Variants in MAML2 observed in about 807,000 individuals in gnomAD.
MAML2 encodes mastermind like transcriptional coactivator 2.
In MAML2, 22 loss-of-function variants were observed where a neutral mutation model predicts 96.1. That is an observed-to-expected ratio of 0.23 (90% CI 0.16 to 0.33). MAML2 has a LOEUF of 0.33. Among genes scored for constraint, MAML2 ranks in the 10% least tolerant of loss-of-function variants. The pLI is 1.00. For synonymous variants in MAML2, 561 were observed against 521.3 expected, an observed-to-expected ratio of 1.08 and a Z score of -1.04; for missense variants, 1,367 against 1,392.4, an observed-to-expected ratio of 0.98 and a Z score of 0.29.
intron 1 of MAML2, among the ~76,000 whole-genome samples, chr11:96,242,643 C>T (rs1329388167): frequency 2.0e-5 from 3 of 151,276 alleles, no homozygotes; most frequent in African/African-American, 7.4e-5. Flanking sequence ...CACCTGCTCA[C>T]GAAACAGCTT....
At chr11:96,151,282 C>T (rs569621332) in intron 1 of MAML2, among the ~76,000 whole-genome samples, 6 of 152,278 alleles carry the variant, frequency 3.9e-5, no homozygotes, top group South Asian at 2.1e-4. Context: ...TAAAATGCAG[C>T]GTCTTTCTTG....
At chr11:96,170,182 T>C (rs1732893016) in intron 1 of MAML2, among the ~76,000 whole-genome samples, 2 of 152,208 alleles carry the variant, frequency 1.3e-5, no homozygotes, top group South Asian at 2.1e-4. Flanking sequence ...ACATTCTACA[T>C]TCCAATGTCC....
chr11:96,006,352 AT>A (rs891171076), intron 2 of MAML2, among the ~76,000 whole-genome samples: 3 of 152,178 alleles, frequency 2.0e-5, no homozygotes, highest in African/African-American at 7.2e-5. Flanking sequence ...TTTTAGAAAA[AT>A]GATAACCTTA....
intron 1 of MAML2, among the ~76,000 whole-genome samples, chr11:96,285,168 TA>T (rs1863122035): frequency 1.3e-5 from 2 of 152,192 alleles, no homozygotes; most frequent in African/African-American, 4.8e-5. Flanking sequence ...TCTTAACAGA[TA>T]TATGAAACCA....
intron 1 of MAML2, among the ~76,000 whole-genome samples, chr11:96,162,980 T>G (rs1339219029): frequency 1.3e-5 from 2 of 152,232 alleles, no homozygotes; most frequent in South Asian, 2.1e-4. Flanking sequence ...CCTTCTGTGC[T>G]CCAGCATTTC....
At chr11:96,128,994 T>TC in intron 1 of MAML2, among the ~76,000 whole-genome samples, 1 of 152,320 alleles carries the variant, frequency 6.6e-6, no homozygotes, top group Admixed American at 6.5e-5. Context: ...AATCCATTGT[T>TC]AGGCATTTTG....
intron 1 of MAML2, among the ~76,000 whole-genome samples, chr11:96,256,994 G>C (rs529148060): frequency 6.6e-6 from 1 of 152,298 alleles, no homozygotes; most frequent in East Asian, 1.9e-4. Context: ...ACCGCCAGTG[G>C]CAAGACAGGA....
At chr11:96,209,053 T>C (rs1454650867) in intron 1 of MAML2, among the ~76,000 whole-genome samples, 1 of 152,130 alleles carries the variant, frequency 6.6e-6, no homozygotes, top group Non-Finnish European at 1.5e-5. Context: ...CCTTCCAGAA[T>C]GATCAAATCA....
At chr11:96,163,720 G>T (rs909702566) in intron 1 of MAML2, among the ~76,000 whole-genome samples, 3 of 152,164 alleles carry the variant, frequency 2.0e-5, no homozygotes, top group African/African-American at 7.2e-5. Flanking sequence ...TTCTGGAAGG[G>T]TCCTGAATAC....
intron 1 of MAML2, among the ~76,000 whole-genome samples, chr11:96,212,715 G>A (rs1861989471): frequency 6.6e-6 from 1 of 152,082 alleles, no homozygotes. Context: ...GAAGGAACAA[G>A]ACGTTTAGAT....
chr11:96,055,119 T>G (rs562735850), intron 2 of MAML2, among the ~76,000 whole-genome samples: 4 of 152,308 alleles, frequency 2.6e-5, no homozygotes, highest in Non-Finnish European at 5.9e-5. Flanking sequence ...CATTGAAACC[T>G]CCCTTAATTG....
rs747256712 is a variant in MAML2 at position 95,979,547 on chromosome 11, T to C, written c.2872A>G (p.Thr958Ala). 6.2e-7 allele frequency: 1 copy of C among 1,613,914 alleles called. No individual in the cohort carries two copies. Among genetic ancestry groups the C allele is most frequent in the Non-Finnish European group, 8.5e-7 (1 of 1,179,872 alleles). The part of the protein sequence containing the change: ...PPQRTSNVMI[T>A]SNTTAPNWAS... ...CAGTTTGGTGCAGTTGTGTTGGATG[T>C]GATCATTACGTTTGATGTTCTCTGT... The change falls in exon 5 of 5, where the codon ACA becomes GCA. Residue 958 changes from threonine to alanine, a missense_variant. Thr to Ala is a moderately conservative substitution (Grantham distance 58). Coordinates refer to ENST00000524717, the MANE Select transcript of MAML2 (RefSeq NM_032427.4).
intron 2 of MAML2, among the ~76,000 whole-genome samples, chr11:96,007,420 A>G (rs1019497531): frequency 3.3e-5 from 5 of 152,198 alleles, no homozygotes; most frequent in Admixed American, 1.3e-4. Flanking sequence ...AATTCAGAAT[A>G]AGGCAGGTCT....
intron 1 of MAML2, among the ~76,000 whole-genome samples, chr11:96,265,465 T>C (rs1862812481): frequency 6.6e-6 from 1 of 151,920 alleles, no homozygotes. Context: ...AGAAATGATA[T>C]GGAAGAGGGG....
At chr11:96,028,002 A>G (rs1858551574) in intron 2 of MAML2, among the ~76,000 whole-genome samples, 3 of 152,090 alleles carry the variant, frequency 2.0e-5, no homozygotes, top group Non-Finnish European at 4.4e-5. Flanking sequence ...AAAGTGCTGG[A>G]ACCATGGGCA....
chr11:96,320,965 C>T lies in MAML2; in HGVS notation c.513+20418G>A, dbSNP rs375390628. Among the ~76,000 whole-genome samples, 20 of 152,206 alleles carry T rather than the reference C, an allele frequency of 1.3e-4. No individual in the cohort carries two copies. In the East Asian group the frequency reaches 1.5e-3, roughly 12 times the overall value. On this transcript the variant is annotated intron_variant, in intron 1 of 4. Coordinates refer to ENST00000524717, the MANE Select transcript of MAML2 (RefSeq NM_032427.4). The stretch of plus-strand genomic sequence containing the variant: ...GGCCAATTTCAGGGCTTATCTGCCT[C>T]GGATATGGGGTAGAAAATAACATTT...
At chr11:96,252,600 AT>A (rs1862599555) in intron 1 of MAML2, among the ~76,000 whole-genome samples, 1 of 151,912 alleles carries the variant, frequency 6.6e-6, no homozygotes, top group African/African-American at 2.4e-5. Flanking sequence ...TAATTTTTGT[AT>A]GTTTAGTAGA....
Position 95,991,640 on chromosome 11 carries a change from G to A in MAML2, c.2223C>T (p.Tyr741=). The change falls in exon 3 of 5, where the codon TAC becomes TAT. Residue 741 remains tyrosine (Y), a synonymous_variant. Transcript: ENST00000524717. ...PCSNPNTGSG[Y]MNSQQSLLNQ... ...TCAACAGTGATTGCTGGGAGTTCATGTAACCACTTCCAGTGTTTGGATTTG... is the reference window on the plus strand; with the variant it reads ...TCAACAGTGATTGCTGGGAGTTCATATAACCACTTCCAGTGTTTGGATTTG... 5 of 1,613,766 alleles carry A rather than the reference G, an allele frequency of 3.1e-6. No individual in the cohort carries two copies. Among genetic ancestry groups the A allele is most frequent in the Non-Finnish European group, 4.2e-6 (5 of 1,179,740 alleles).
rs117841806 is a variant in MAML2 at position 96,319,473 on chromosome 11, G to A, written c.513+21910C>T. On this transcript the variant is annotated intron_variant, in intron 1 of 4. Transcript: ENST00000524717. The stretch of plus-strand genomic sequence containing the variant: ...TTAATCTTGTCATGTTATTAGCATG[G>A]CAACTGGAAACTATCTTCTGAACAA... 6.2e-3 allele frequency among the ~76,000 whole-genome samples: 939 copies of A among 152,264 alleles called. 9 individuals are homozygous for A. The highest frequency in any genetic ancestry group is 0.021 in the South Asian group (102 of 4,826).
Sources: gnomAD v4.1 joint callset for allele counts (sites outside exome capture counted in the v4.1 genomes callset) on GRCh38, gnomAD v4.1.1 for gene constraint, MANE v1.5 for transcripts, NCBI Gene and HGNC (gene_info 2026-07-23, HGNC 2026-07-21) for gene names.